SRSF12: variants seen among roughly 807,000 people sequenced by gnomAD.
SRSF12 encodes serine and arginine rich splicing factor 12.
SRSF12 carries 21 observed loss-of-function variants against 34.1 expected under a neutral mutation model. The ratio of observed to expected loss-of-function variants is 0.62; its 90% CI spans 0.44 to 0.89. The LOEUF is 0.89. SRSF12 is among the 40% of genes least tolerant of loss of function. The pLI is 0.00. For missense variants in SRSF12, 278 were observed against 327.8 expected (o/e 0.85, Z 1.17); for synonymous variants, 111 against 110.8 (o/e 1.00, Z -0.01).
At chr6:89,110,264 A>G (rs1768982761) in intron 1 of SRSF12, among the ~76,000 whole-genome samples, 1 of 152,236 alleles carries the variant, frequency 6.6e-6, no homozygotes, top group Non-Finnish European at 1.5e-5. Flanking sequence ...GAAAAAATGA[A>G]GCAATGAAAG....
At chr6:89,115,351 G>A (rs1331340581) in intron 1 of SRSF12, among the ~76,000 whole-genome samples, 1 of 151,864 alleles carries the variant, frequency 6.6e-6, no homozygotes, top group African/African-American at 2.4e-5. Flanking sequence ...GCCTGATCTC[G>A]GCTCACTGCC....
rs1769049838 is a variant in SRSF12 at position 89,111,553 on chromosome 6, T to A, written c.66-4295A>T. Among the ~76,000 whole-genome samples the A allele has an allele frequency of 3.3e-5, 5 of 152,192 alleles. No homozygotes were observed. In the South Asian group the frequency reaches 1.0e-3, roughly 31 times the overall value. On this transcript the variant is annotated intron_variant, in intron 1 of 4. Coordinates refer to ENST00000452027, the MANE Select transcript of SRSF12 (RefSeq NM_080743.5). ...TAGTTCTAGCAGTTTTTTTGTTCAT[T>A]CCCTAGTATTTTCTATGTAAGCAAA...
At chr6:89,106,471 G>A (rs1768792166) in intron 2 of SRSF12, among the ~76,000 whole-genome samples, 1 of 152,052 alleles carries the variant, frequency 6.6e-6, no homozygotes, top group Non-Finnish European at 1.5e-5. Context: ...AAAGCAATCT[G>A]TAAATATCTG....
At chr6:89,109,290 G>A (rs1021975028) in intron 1 of SRSF12, among the ~76,000 whole-genome samples, 1 of 152,180 alleles carries the variant, frequency 6.6e-6, no homozygotes, top group African/African-American at 2.4e-5. Context: ...TGAGACTGAA[G>A]GTTAAGAATC....
chr6:89,117,723 C>G (rs1489714268), intron 1 of SRSF12, 100 bp downstream of exon 1: 2 of 1,210,456 alleles, frequency 1.7e-6, no homozygotes, highest in East Asian at 6.5e-5. Context: ...AGGCTCCGCG[C>G]AGCTCCCCCG....
At chr6:89,100,273 A>C (rs1468007788) in intron 4 of SRSF12, among the ~76,000 whole-genome samples, 1 of 152,246 alleles carries the variant, frequency 6.6e-6, no homozygotes, top group Non-Finnish European at 1.5e-5. Context: ...GAGAGATTAG[A>C]GTTCAAACTC....
At position 89,105,457 on chromosome 6, in the gene SRSF12, C is replaced by G; in HGVS notation, c.244G>C (p.Glu82Gln). The change falls in exon 3 of 5, where the codon GAA becomes CAA. Residue 82 changes from glutamate (E) to glutamine (Q), a missense_variant. Transcript: ENST00000452027. ...NRKWVCGRQI[E>Q]IQFAQGDRKT... ...CGATCACCTTGTGCAAACTGTATTT[C>G]AATCTGACGGCCACATACCCACTTT... 1 of 1,610,832 alleles carries G rather than the reference C, an allele frequency of 6.2e-7. No individual in the cohort carries two copies. The highest frequency in any genetic ancestry group is 8.5e-7 in the Non-Finnish European group (1 of 1,179,014).
intron 1 of SRSF12, among the ~76,000 whole-genome samples, chr6:89,112,825 A>G (rs1403642289): frequency 6.6e-6 from 1 of 152,166 alleles, no homozygotes; most frequent in Non-Finnish European, 1.5e-5. Flanking sequence ...GTGGCCCCAT[A>G]ATCTTATAAC....
chr6:89,098,880 T>A lies in SRSF12; in HGVS notation c.484A>T (p.Thr162Ser). ...SRSKSLPRRS[T>S]SARQSRTPRR... ...GGAGTTCTTGACTGCCTTGCTGAGG[T>A]AGACCGCCTTGGTAATGATTTGGAA... Residue 162 changes from threonine to serine, a missense_variant, in exon 5 of 5, where the codon ACC (threonine) becomes TCC (serine). Coordinates refer to ENST00000452027, the MANE Select transcript of SRSF12 (RefSeq NM_080743.5). 1 of 1,613,936 alleles carries A rather than the reference T, an allele frequency of 6.2e-7. No homozygotes were observed. The highest frequency in any genetic ancestry group is 8.5e-7 in the Non-Finnish European group (1 of 1,179,892).
intron 1 of SRSF12, among the ~76,000 whole-genome samples, chr6:89,109,005 T>C (rs1768920797): frequency 6.6e-6 from 1 of 152,228 alleles, no homozygotes; most frequent in African/African-American, 2.4e-5. Flanking sequence ...GTCTTTTTTC[T>C]TTTACTTATT....
At chr6:89,106,885 T>C in intron 2 of SRSF12, 1 of 489,304 alleles carries the variant, frequency 2.0e-6, no homozygotes, top group Non-Finnish European at 4.0e-6. Flanking sequence ...TTTATATCTG[T>C]GTCCACCCTC....
chr6:89,109,836 A>G (rs755073657), intron 1 of SRSF12, among the ~76,000 whole-genome samples: 2 of 152,210 alleles, frequency 1.3e-5, no homozygotes, highest in Non-Finnish European at 2.9e-5. Flanking sequence ...TCACGCTTGT[A>G]ATCCCAGCAC....
chr6:89,098,722 T>A lies in SRSF12; in HGVS notation c.642A>T (p.Gly214=), dbSNP rs748593398. Residue 214 remains glycine, a synonymous_variant, in exon 5 of 5, where the codon GGA becomes GGT. Coordinates refer to ENST00000452027, the MANE Select transcript of SRSF12 (RefSeq NM_080743.5). The part of the protein sequence containing the change: ...TSSGTKSRSH[G]RHSDSIARSP... ...ATCTTGCTATTGAGTCAGAATGTCT[T>A]CCATGTGATCTTGATTTTGTTCCTG... 1 of 1,613,954 alleles carries A rather than the reference T, an allele frequency of 6.2e-7. No individual in the cohort carries two copies. Among genetic ancestry groups the A allele is most frequent in the Admixed American group, 1.7e-5 (1 of 60,018 alleles).
At chr6:89,117,720 G>C (rs1026636472) in intron 1 of SRSF12, 103 bp downstream of exon 1, 12 of 1,196,332 alleles carry the variant, frequency 1.0e-5, no homozygotes, top group Non-Finnish European at 1.3e-5. Context: ...GGGAGGCTCC[G>C]CGCAGCTCCC....
At chr6:89,111,535 A>G (rs1582272155) in intron 1 of SRSF12, among the ~76,000 whole-genome samples, 1 of 152,090 alleles carries the variant, frequency 6.6e-6, no homozygotes, top group Non-Finnish European at 1.5e-5. Flanking sequence ...TATTAGTTCT[A>G]GCAGTTTTTT....
At chr6:89,115,447 T>C (rs1382560244) in intron 1 of SRSF12, among the ~76,000 whole-genome samples, 1 of 151,850 alleles carries the variant, frequency 6.6e-6, no homozygotes, top group African/African-American at 2.4e-5. Flanking sequence ...CACACCTGGC[T>C]AATTTTTGTG....
intron 4 of SRSF12, among the ~76,000 whole-genome samples, chr6:89,099,253 GA>G (rs555951179): frequency 2.3e-4 from 35 of 150,956 alleles, no homozygotes; most frequent in African/African-American, 5.4e-4. Flanking sequence ...AAAATCTGAA[GA>G]AAAAAAGATT....
Position 89,098,192 on chromosome 6 carries a change from T to C in SRSF12, c.*386A>G, listed in dbSNP as rs1189711110. On this transcript the variant is annotated 3_prime_UTR_variant, in exon 5 of 5. Transcript: ENST00000452027. ...AAGTCTGCTCTATGCAATTATACAGTCATAGTTACTTTTTACATGAAAGTG... is the reference window on the plus strand; with the variant it reads ...AAGTCTGCTCTATGCAATTATACAGCCATAGTTACTTTTTACATGAAAGTG... 2.5e-5 allele frequency: 4 copies of C among 160,558 alleles called. No individual in the cohort carries two copies. The allele number at this position is 160,558 out of a possible 1,614,324, so 9.9% of individuals were successfully genotyped here.
chr6:89,111,861 G>A (rs1769064920), intron 1 of SRSF12, among the ~76,000 whole-genome samples: 1 of 151,982 alleles, frequency 6.6e-6, no homozygotes, highest in Admixed American at 6.6e-5. Context: ...CAGGGTCTCA[G>A]GTCTCACTCT....
Sources: allele counts gnomAD v4.1 joint callset (sites outside exome capture counted in the v4.1 genomes callset), GRCh38; gene constraint gnomAD v4.1.1; transcripts MANE v1.5; gene names NCBI Gene and HGNC (gene_info 2026-07-23, HGNC 2026-07-21).